RALGPS1: variants seen among roughly 807,000 people sequenced by gnomAD.
RALGPS1 encodes the protein Ral GEF with PH domain and SH3 binding motif 1, also known as ras-specific guanine nucleotide-releasing factor RalGPS1.
RALGPS1 carries 19 observed loss-of-function variants against 78.8 expected under a neutral mutation model. The ratio of observed to expected loss-of-function variants is 0.24; its 90% confidence interval spans 0.17 to 0.35. The LOEUF (loss-of-function observed/expected upper bound fraction) is 0.35, where lower values mean the gene tolerates loss of function less well. RALGPS1 is among the 10% of genes least tolerant of loss of function. RALGPS1 has a pLI of 1.00. For synonymous variants in RALGPS1, 228 were observed against 256.3 expected (o/e 0.89, Z 1.06); for missense variants, 454 against 688.3 (o/e 0.66, Z 3.81).
intron 2 of RALGPS1, 148 bp downstream of exon 2, chr9:126,962,494 G>C: frequency 1.3e-6 from 1 of 799,684 alleles, no homozygotes; most frequent in Non-Finnish European, 2.0e-6. Flanking sequence ...CATGCCAGGC[G>C]TGAGATTTGG....
rs1435616946 is a variant in RALGPS1, at chr9:127,211,511, G to C, written c.1248-620G>C. Among the ~76,000 whole-genome samples, 1 of 152,190 alleles carries C rather than the reference G, an allele frequency of 6.6e-6. No homozygotes were observed. Among genetic ancestry groups the C allele is most frequent in the African/African-American group, 2.4e-5 (1 of 41,432 alleles). On this transcript the variant is annotated intron_variant, in intron 14 of 18. Transcript: ENST00000259351. The surrounding 1 kb of genome is among the most constrained non-coding windows in gnomAD (Gnocchi z 5.0). Reference sequence around the variant, plus strand: ...CTTTCTGGCTGAAGCAGCCAGTAGGGGGTGGTGCCATTCCTGAGGCACCGG... The same window carrying C: ...CTTTCTGGCTGAAGCAGCCAGTAGGCGGTGGTGCCATTCCTGAGGCACCGG...
chr9:126,924,896 C>T (rs549769843), intron 1 of RALGPS1, among the ~76,000 whole-genome samples: 3 of 152,240 alleles, frequency 2.0e-5, no homozygotes, highest in East Asian at 1.9e-4. Flanking sequence ...GAGGCCGAGG[C>T]GGGTGGATCA....
intron 4 of RALGPS1, among the ~76,000 whole-genome samples, chr9:127,013,613 T>C (rs746375309): frequency 5.3e-5 from 8 of 152,128 alleles, no homozygotes; most frequent in East Asian, 1.9e-4. Context: ...TCTACACCCA[T>C]GTCTGCCCCA....
intron 5 of RALGPS1, among the ~76,000 whole-genome samples, chr9:127,046,851 A>T (rs962332842): frequency 6.6e-6 from 1 of 152,154 alleles, no homozygotes; most frequent in Non-Finnish European, 1.5e-5. Context: ...GGCAAATAAT[A>T]CAAATGACCT....
intron 4 of RALGPS1, among the ~76,000 whole-genome samples, chr9:127,030,274 T>G (rs1269261798): frequency 1.3e-5 from 2 of 152,150 alleles, no homozygotes; most frequent in African/African-American, 4.8e-5. Context: ...ATATGTGATC[T>G]TCTAGGGAGA....
At chr9:126,979,803 A>G (rs1192998328) in intron 4 of RALGPS1, among the ~76,000 whole-genome samples, 3 of 152,220 alleles carry the variant, frequency 2.0e-5, no homozygotes, top group African/African-American at 7.2e-5. Context: ...TGTAGTTTGT[A>G]GCAGTGGTTC....
At chr9:127,179,601 C>G (rs1169859179) in intron 11 of RALGPS1, among the ~76,000 whole-genome samples, 1 of 152,220 alleles carries the variant, frequency 6.6e-6, no homozygotes, top group Non-Finnish European at 1.5e-5. Context: ...CATTCATTCA[C>G]CCAAGACTTC....
At chr9:127,055,955 G>C (rs531631285) in intron 7 of RALGPS1, among the ~76,000 whole-genome samples, 1 of 152,314 alleles carries the variant, frequency 6.6e-6, no homozygotes, top group African/African-American at 2.4e-5. Flanking sequence ...GCAGTCAGAG[G>C]AGGGCCTGTC....
chr9:127,039,341 G>A (rs573173034), intron 5 of RALGPS1, among the ~76,000 whole-genome samples: 2 of 152,318 alleles, frequency 1.3e-5, no homozygotes, highest in Non-Finnish European at 2.9e-5. Context: ...TTCTAAGACA[G>A]GGCTAAAAAA....
In RALGPS1 at chr9:126,962,252, G is replaced by T. The variant is rs750510787; in HGVS notation, c.-38G>T. ...CTTCTCCAGACAGGTTATGTTACCTGCAGAGGCTGCCCTGAAGCTCCCTGT... is the reference window on the plus strand; with the variant it reads ...CTTCTCCAGACAGGTTATGTTACCTTCAGAGGCTGCCCTGAAGCTCCCTGT... On this transcript the variant is annotated 5_prime_UTR_variant, in exon 2 of 19. Coordinates refer to ENST00000259351, the MANE Select transcript of RALGPS1 (RefSeq NM_014636.3). 4 of 1,610,906 alleles carry T rather than the reference G, an allele frequency of 2.5e-6. No homozygotes were observed. In the South Asian group the frequency reaches 3.3e-5, roughly 13 times the overall value.
chr9:127,083,116 A>G (rs1052802949), intron 8 of RALGPS1, among the ~76,000 whole-genome samples: 4 of 152,204 alleles, frequency 2.6e-5, no homozygotes, highest in Non-Finnish European at 4.4e-5. Flanking sequence ...ATGGGGACCA[A>G]TAACATCTGG....
At chr9:127,080,636 C>CCA (rs1457477222) in intron 8 of RALGPS1, among the ~76,000 whole-genome samples, 29 of 152,238 alleles carry the variant, frequency 1.9e-4, no homozygotes, top group African/African-American at 6.5e-4. Flanking sequence ...TCTTTGACAC[C>CCA]CACAGATGTA....
chr9:127,197,242 G>A (rs2061393876), intron 13 of RALGPS1, among the ~76,000 whole-genome samples: 1 of 152,192 alleles, frequency 6.6e-6, no homozygotes, highest in African/African-American at 2.4e-5. Context: ...GGCTGGTGTT[G>A]AGCTCTGGTT....
intron 8 of RALGPS1, chr9:127,089,145 G>A (rs1485865352): frequency 1.2e-6 from 2 of 1,614,140 alleles, no homozygotes; most frequent in Non-Finnish European, 8.5e-7. Context: ...TTTCCTGCAA[G>A]AGAGAAGGCA....
At chr9:126,979,606 A>G (rs911424350) in intron 4 of RALGPS1, among the ~76,000 whole-genome samples, 1 of 152,152 alleles carries the variant, frequency 6.6e-6, no homozygotes, top group African/African-American at 2.4e-5. Flanking sequence ...TGCCCAGGAG[A>G]CTGGGATCCT....
intron 7 of RALGPS1, among the ~76,000 whole-genome samples, chr9:127,063,102 T>C (rs1366117634): frequency 1.3e-5 from 2 of 152,192 alleles, no homozygotes; most frequent in African/African-American, 2.4e-5. Flanking sequence ...TCAAGAAATA[T>C]TATTCTCTCG....
intron 8 of RALGPS1, among the ~76,000 whole-genome samples, chr9:127,135,059 C>T (rs1414529476): frequency 1.3e-5 from 2 of 152,190 alleles, no homozygotes; most frequent in Admixed American, 1.3e-4. Flanking sequence ...CTGCCTGGGA[C>T]ACTTGAATGT....
chr9:127,210,794 T>A, intron 14 of RALGPS1: 1 of 1,541,650 alleles, frequency 6.5e-7, no homozygotes, highest in Non-Finnish European at 8.8e-7. Flanking sequence ...CATGTGTTCA[T>A]GTGTTCATTT....
Position 127,188,832 on chromosome 9 carries a change from T to TTAAA in RALGPS1, c.911-6259_911-6258insTAAA, listed in dbSNP as rs756481918. Among the ~76,000 whole-genome samples, 235 of 87,318 alleles carry TTAAA rather than the reference T, an allele frequency of 2.7e-3. 15 individuals carry two copies. Among genetic ancestry groups the TTAAA allele is most frequent in the East Asian group, 9.0e-3 (22 of 2,440 alleles). 57.3% of individuals were successfully genotyped at this position (87,318 alleles called of 152,430 possible). A position where few individuals can be genotyped will look rare whatever the true frequency, so the allele number is the denominator to read the frequency against. Reference sequence around the variant, plus strand: ...AAAGACTAAGAAACCCCATCTCTACTAAAAAAAAAAAAAAAAATGTAGCCA... The same window carrying TTAAA: ...AAAGACTAAGAAACCCCATCTCTACTTAAAAAAAAAAAAAAAAAAAATGTAGCCA... On this transcript the variant is annotated intron_variant, in intron 11 of 18. Transcript: ENST00000259351.
Sources: allele counts gnomAD v4.1 joint callset (sites outside exome capture counted in the v4.1 genomes callset), GRCh38; gene constraint gnomAD v4.1.1; non-coding constraint Gnocchi (gnomAD v3.1); transcripts MANE v1.5; gene names NCBI Gene and HGNC (gene_info 2026-07-23, HGNC 2026-07-21).